Variants in MACROD2 observed in about 807,000 individuals in gnomAD.
MACROD2 encodes the protein ADP-ribose glycohydrolase MACROD2.
In MACROD2, 36 loss-of-function variants were observed where a neutral mutation model predicts 70.4. The observed-to-expected ratio is 0.51, with a 90% CI of 0.39 to 0.68. The LOEUF (loss-of-function observed/expected upper bound fraction) is 0.68. MACROD2 is among the 30% of genes least tolerant of loss of function. The pLI is 0.00. For synonymous variants in MACROD2, 172 were observed against 178.8 expected (o/e 0.96, Z 0.30); for missense variants, 496 against 538.4 (o/e 0.92, Z 0.78).
rs369718059 is a variant in MACROD2, at chr20:14,859,036, A to G, written c.418+174077A>G. On this transcript the variant is annotated intron_variant, in intron 5 of 17. Coordinates refer to ENST00000684519, the MANE Select transcript of MACROD2 (RefSeq NM_001351661.2). ...AATAGGGCTTCACTATGATGATGCA[A>G]AGGCATGAGAATGATATAATGGACT... 9.9e-5 allele frequency among the ~76,000 whole-genome samples: 15 copies of G among 152,164 alleles called. 1 individual carries two copies. The South Asian group carries it at 2.7e-3, about 27-fold the overall frequency.
chr20:16,020,164 T>G (rs1430149438), intron 15 of MACROD2, among the ~76,000 whole-genome samples: 1 of 152,182 alleles, frequency 6.6e-6, no homozygotes, highest in East Asian at 1.9e-4. Flanking sequence ...TGGTTCCTGT[T>G]GCCTCTCTGG....
chr20:14,052,009 A>G (rs1260943555), intron 2 of MACROD2: 2 of 484,392 alleles, frequency 4.1e-6, no homozygotes, highest in African/African-American at 3.9e-5. Context: ...TTATGGAAAG[A>G]AAGTCTTACA....
intron 5 of MACROD2, among the ~76,000 whole-genome samples, chr20:15,066,912 G>C (rs1026505441): frequency 7.3e-5 from 11 of 149,924 alleles, no homozygotes; most frequent in African/African-American, 2.4e-4. Context: ...TAAGTGCAGC[G>C]AACTACAGGC....
At chr20:14,951,731 C>T (rs2074477689) in intron 5 of MACROD2, among the ~76,000 whole-genome samples, 1 of 152,066 alleles carries the variant, frequency 6.6e-6, no homozygotes, top group Admixed American at 6.5e-5. Context: ...GAAACTCTGA[C>T]AATCCTCCAT....
At chr20:14,026,224 G>A (rs2053162870) in intron 2 of MACROD2, among the ~76,000 whole-genome samples, 1 of 151,950 alleles carries the variant, frequency 6.6e-6, no homozygotes, top group Non-Finnish European at 1.5e-5. Flanking sequence ...ATCCTTTTGA[G>A]TCTATGTGTG....
intron 6 of MACROD2, among the ~76,000 whole-genome samples, chr20:15,277,577 T>C (rs2077404756): frequency 6.6e-6 from 1 of 152,240 alleles, no homozygotes; most frequent in Non-Finnish European, 1.5e-5. Flanking sequence ...AGTTCTAGGC[T>C]GGGGCCTGAG....
chr20:15,113,276 C>G (rs1484547009), intron 5 of MACROD2, among the ~76,000 whole-genome samples: 1 of 152,142 alleles, frequency 6.6e-6, no homozygotes, highest in East Asian at 1.9e-4. Flanking sequence ...GAATGATGAA[C>G]TAGCTGAGAA....
At chr20:14,175,122 C>A (rs959420557) in intron 3 of MACROD2, among the ~76,000 whole-genome samples, 2 of 152,166 alleles carry the variant, frequency 1.3e-5, no homozygotes, top group Admixed American at 6.5e-5. Context: ...TGCCATAGTT[C>A]TTGGAGGAAA....
chr20:16,001,583 A>G (rs957582657), intron 15 of MACROD2, among the ~76,000 whole-genome samples: 2 of 152,228 alleles, frequency 1.3e-5, no homozygotes, highest in Non-Finnish European at 2.9e-5. Flanking sequence ...GTCATAGTTT[A>G]TTAGCCTTCA....
intron 5 of MACROD2, among the ~76,000 whole-genome samples, chr20:15,010,114 G>A (rs1053670636): frequency 3.9e-5 from 6 of 152,130 alleles, no homozygotes; most frequent in African/African-American, 1.4e-4. Context: ...ATGATGATAG[G>A]CAGCAATGGC....
At chr20:15,264,875 C>T (rs1205627683) in intron 6 of MACROD2, among the ~76,000 whole-genome samples, 1 of 152,064 alleles carries the variant, frequency 6.6e-6, no homozygotes, top group African/African-American at 2.4e-5. Context: ...GATGGACAGA[C>T]TGGGCCTGGG....
At chr20:15,821,618 A>G (rs2063938879) in intron 8 of MACROD2, among the ~76,000 whole-genome samples, 1 of 152,186 alleles carries the variant, frequency 6.6e-6, no homozygotes, top group African/African-American at 2.4e-5. Context: ...CCTTGGATTG[A>G]AAATGTTCAA....
At chr20:15,247,589 CTT>C (rs2077117588) in intron 6 of MACROD2, among the ~76,000 whole-genome samples, 1 of 152,192 alleles carries the variant, frequency 6.6e-6, no homozygotes, top group African/African-American at 2.4e-5. Context: ...TAATAACTGT[CTT>C]CCTAGGCTGC....
In MACROD2 at chr20:16,000,094, A is replaced by G. The variant is rs1189879550; in HGVS notation, c.1153+12936A>G. ...ATTCATATGGGATTATATGAAATAA[A>G]TAAAGTTTTCTTAGAACATGCAAAA... is the stretch of plus-strand genomic sequence containing the variant. On this transcript the variant is annotated intron_variant, in intron 15 of 17. Transcript: ENST00000684519. Among the ~76,000 whole-genome samples, 9 of 152,254 alleles carry G rather than the reference A, an allele frequency of 5.9e-5. No homozygotes were observed. The East Asian group carries it at 1.7e-3, about 29-fold the overall frequency.
At chr20:14,027,059 A>C (rs1444100751) in intron 2 of MACROD2, among the ~76,000 whole-genome samples, 1 of 152,154 alleles carries the variant, frequency 6.6e-6, no homozygotes, top group Non-Finnish European at 1.5e-5. Flanking sequence ...GTCCTTTTCC[A>C]AGTTGTTCCA....
At chr20:15,618,042 G>A (rs969123589) in intron 8 of MACROD2, among the ~76,000 whole-genome samples, 2 of 148,164 alleles carry the variant, frequency 1.3e-5, no homozygotes, top group African/African-American at 5.0e-5. Flanking sequence ...GGTTTTTGAT[G>A]TGTTAAGAGA....
chr20:15,059,035 A>G (rs1020881111), intron 5 of MACROD2, among the ~76,000 whole-genome samples: 6 of 152,170 alleles, frequency 3.9e-5, no homozygotes, highest in Admixed American at 2.6e-4. Flanking sequence ...AATTTCCCCA[A>G]ATTTAAATTC....
At chr20:15,569,745 G>A (rs2048352892) in intron 8 of MACROD2, among the ~76,000 whole-genome samples, 1 of 152,208 alleles carries the variant, frequency 6.6e-6, no homozygotes, top group South Asian at 2.1e-4. Flanking sequence ...CCATTTGTTA[G>A]TCTGGGTCAC....
intron 2 of MACROD2, among the ~76,000 whole-genome samples, chr20:14,069,903 C>A (rs760021742): frequency 7.2e-5 from 11 of 151,742 alleles, no homozygotes; most frequent in Non-Finnish European, 1.5e-4. Flanking sequence ...GCTTATCACG[C>A]AAAGCCCTGG....
Sources: allele counts gnomAD v4.1 joint callset (sites outside exome capture counted in the v4.1 genomes callset), GRCh38; gene constraint gnomAD v4.1.1; transcripts MANE v1.5; gene names NCBI Gene and HGNC (gene_info 2026-07-23, HGNC 2026-07-21).